DDX52: variants seen among roughly 807,000 people sequenced by gnomAD.
DDX52 encodes probable ATP-dependent RNA helicase DDX52.
Under a neutral mutation model 76.1 loss-of-function variants are expected in DDX52, and 59 were observed. The ratio of observed to expected loss-of-function variants is 0.78; its 90% CI spans 0.63 to 0.96. DDX52 has a LOEUF of 0.96. DDX52 is among the 40% of genes least tolerant of loss of function. The probability of loss-of-function intolerance (pLI) is 0.00; values close to 1 mark genes in which losing one functional copy is unlikely to be tolerated. For synonymous variants in DDX52, 231 were observed against 244.1 expected (o/e 0.95, Z 0.50); for missense variants, 707 against 703.9 (o/e 1.00, Z -0.05).
In DDX52 at chr17:37,643,430, G is replaced by A. The variant is rs923765476; in HGVS notation, c.-10C>T. 3 of 1,613,532 alleles carry A rather than the reference G, an allele frequency of 1.9e-6. No individual in the cohort carries two copies. Among genetic ancestry groups the A allele is most frequent in the African/African-American group, 2.7e-5 (2 of 74,934 alleles). On this transcript the variant is annotated 5_prime_UTR_variant, in exon 1 of 15. Transcript: ENST00000617633. ...GATCGTGGACGTCCATCTTTACCCAGAAAGCGCCACAGTTCTACGGCGCCT... is the reference window on the plus strand; with the variant it reads ...GATCGTGGACGTCCATCTTTACCCAAAAAGCGCCACAGTTCTACGGCGCCT...
At position 37,633,292 on chromosome 17, in the gene DDX52, T is replaced by A; in HGVS notation, c.413A>T (p.Glu138Val). ...TSGKLENLRK[E>V]KINFLRNKHK... Reference sequence around the variant, plus strand: ...GCCCCAAAATATTTTTCTAACCTTTTCTTTTCTGAGATTCTCCAACTTTCC... The same window carrying A: ...GCCCCAAAATATTTTTCTAACCTTTACTTTTCTGAGATTCTCCAACTTTCC... Residue 138 changes from glutamate (E) to valine (V), a missense_variant, in exon 3 of 15, where the codon GAA becomes GTA. Physicochemically the swap from Glu to Val is moderately radical, Grantham distance 121. Transcript: ENST00000617633. 1 of 1,601,200 alleles carries A rather than the reference T, an allele frequency of 6.2e-7. No homozygotes were observed. Among genetic ancestry groups the A allele is most frequent in the Non-Finnish European group, 8.5e-7 (1 of 1,176,222 alleles).
chr17:37,622,228 TC>T (rs1374681128), intron 9 of DDX52, among the ~76,000 whole-genome samples: 1 of 152,132 alleles, frequency 6.6e-6, no homozygotes, highest in East Asian at 1.9e-4. Flanking sequence ...ATTTACACTA[TC>T]AAACCCTTAC....
intron 2 of DDX52, among the ~76,000 whole-genome samples, chr17:37,635,363 C>A (rs140217896): frequency 6.6e-6 from 1 of 152,232 alleles, no homozygotes; most frequent in African/African-American, 2.4e-5. Context: ...CCTCATGACA[C>A]CTTATAATCC....
At position 37,614,278 on chromosome 17, in the gene DDX52, T is replaced by G. The variant is rs1458876505; in HGVS notation, c.*18A>C. ...TCATAAAATTACATTTCTGGGACAGTATTTTTAAAGTCTGTTTTTAACTTT... is the reference window on the plus strand; with the variant it reads ...TCATAAAATTACATTTCTGGGACAGGATTTTTAAAGTCTGTTTTTAACTTT... On this transcript the variant is annotated 3_prime_UTR_variant, in exon 15 of 15. Transcript: ENST00000617633. 1 of 1,609,950 alleles carries G rather than the reference T, an allele frequency of 6.2e-7. No individual in the cohort carries two copies. Among genetic ancestry groups the G allele is most frequent in the African/African-American group, 1.3e-5 (1 of 74,820 alleles).
rs2064399907 is a variant in DDX52, at chr17:37,614,289, T to G, written c.*7A>C. ...CATTTCTGGGACAGTATTTTTAAAG[T>G]CTGTTTTTAACTTTTGTCTTCAAGA... On this transcript the variant is annotated 3_prime_UTR_variant, in exon 15 of 15. Coordinates refer to ENST00000617633, the MANE Select transcript of DDX52 (RefSeq NM_007010.5). 3 of 1,611,732 alleles carry G rather than the reference T, an allele frequency of 1.9e-6. No homozygotes were observed. Among genetic ancestry groups the G allele is most frequent in the Non-Finnish European group, 2.5e-6 (3 of 1,179,284 alleles).
At chr17:37,636,161 G>A (rs1487122030) in intron 2 of DDX52, among the ~76,000 whole-genome samples, 1 of 152,046 alleles carries the variant, frequency 6.6e-6, no homozygotes, top group Non-Finnish European at 1.5e-5. Context: ...TTGTGCTAAG[G>A]AACCTTGACA....
chr17:37,632,443 G>T, intron 3 of DDX52, 145 bp from the exon 4 acceptor site: 1 of 787,812 alleles, frequency 1.3e-6, no homozygotes, highest in Non-Finnish European at 2.0e-6. Context: ...AAACATCACA[G>T]ATATTAGGTA....
intron 2 of DDX52, among the ~76,000 whole-genome samples, chr17:37,637,293 G>A (rs552408487): frequency 1.0e-3 from 153 of 151,884 alleles, no homozygotes; most frequent in African/African-American, 3.4e-3. Flanking sequence ...CACCACGTCC[G>A]GCTAATTTTG....
At position 37,613,052 on chromosome 17, in the gene DDX52, G is replaced by C. The variant is rs1273281539; in HGVS notation, c.*1244C>G. ...AAAATATTCAAAGCAAAGTCCACCT[G>C]TTCTGACTCTAGAACAAAAAGCTAC... On this transcript the variant is annotated 3_prime_UTR_variant, in exon 15 of 15. Transcript: ENST00000617633. 4 of 152,132 alleles carry C rather than the reference G, an allele frequency of 2.6e-5. No individual in the cohort carries two copies. Among genetic ancestry groups the C allele is most frequent in the African/African-American group, 9.7e-5 (4 of 41,416 alleles). The allele number at this position is 152,132 out of a possible 1,614,324, so 9.4% of individuals were successfully genotyped here.
At chr17:37,636,281 G>A (rs1427067835) in intron 2 of DDX52, among the ~76,000 whole-genome samples, 1 of 152,086 alleles carries the variant, frequency 6.6e-6, no homozygotes, top group Non-Finnish European at 1.5e-5. Context: ...TATAAAGTTA[G>A]GTTTGATGTT....
Position 37,643,412 on chromosome 17 carries a change from G to T in DDX52, c.9C>A (p.Val3=), listed in dbSNP as rs1349310246. 1.2e-6 allele frequency: 2 copies of T among 1,613,940 alleles called. No individual in the cohort carries two copies. The highest frequency in any genetic ancestry group is 2.2e-5 in the South Asian group (2 of 91,078). The stretch of plus-strand genomic sequence containing the variant: ...CGCCGAGCCGGCGAAAGAGATCGTG[G>T]ACGTCCATCTTTACCCAGAAAGCGC... The part of the protein sequence containing the change: MD[V]HDLFRRLGAG... Residue 3 remains valine, a synonymous_variant, in exon 1 of 15, where the codon GTC becomes GTA. Transcript: ENST00000617633.
At chr17:37,615,657 G>GT (rs1436974357) in intron 14 of DDX52, among the ~76,000 whole-genome samples, 1 of 150,922 alleles carries the variant, frequency 6.6e-6, no homozygotes, top group African/African-American at 2.4e-5. Context: ...TCCAGTCTGG[G>GT]TGACAGATTG....
At position 37,620,931 on chromosome 17, in the gene DDX52, C is replaced by G. The variant is rs371537943; in HGVS notation, c.1519G>C (p.Gly507Arg). ...AATGTAATTGCTTTTCCCTTATTCC[C>G]TGCTCTTCCAGTTCGACCTAAGAAA... Reference protein sequence around the residue: ...IHRIGRTGRAGNKGKAITFFT... With the variant: ...IHRIGRTGRARNKGKAITFFT... Residue 507 changes from glycine to arginine, a missense_variant, in exon 12 of 15, where the codon GGG (glycine) becomes CGG (arginine). Transcript: ENST00000617633. 1 of 1,593,514 alleles carries G rather than the reference C, an allele frequency of 6.3e-7. No individual in the cohort carries two copies. The highest frequency in any genetic ancestry group is 8.5e-7 in the Non-Finnish European group (1 of 1,174,118).
At chr17:37,633,464 A>G (rs751316630) in intron 2 of DDX52, 46 bp from the exon 3 acceptor site, 1 of 1,427,758 alleles carries the variant, frequency 7.0e-7, no homozygotes, top group Non-Finnish European at 9.2e-7. Flanking sequence ...AGTCTAGGCA[A>G]CATAGTGAGG....
rs2064351399 is a variant in DDX52, at chr17:37,611,237, C to G, written c.*3059G>C. On this transcript the variant is annotated 3_prime_UTR_variant, in exon 15 of 15. Coordinates refer to ENST00000617633, the MANE Select transcript of DDX52 (RefSeq NM_007010.5). ...TTTGGTCAGCCACAGACAGCAGATA[C>G]AATGGTGGGATGAGAAGTGGGGGTG... is the stretch of plus-strand genomic sequence containing the variant. 6.6e-6 allele frequency: 1 copy of G among 152,166 alleles called. No homozygotes were observed. The highest frequency in any genetic ancestry group is 2.4e-5 in the African/African-American group (1 of 41,428). 9.4% of individuals were successfully genotyped at this position (152,166 alleles called of 1,614,324 possible). A position where few individuals can be genotyped will look rare whatever the true frequency, so the allele number is the denominator to read the frequency against.
intron 2 of DDX52, among the ~76,000 whole-genome samples, chr17:37,637,177 G>C (rs796350227): frequency 1.3e-5 from 2 of 152,074 alleles, no homozygotes; most frequent in African/African-American, 4.8e-5. Flanking sequence ...CCAGGCTGGA[G>C]TGCAGTGGTG....
In DDX52 at chr17:37,612,647, T is replaced by A. The variant is rs2064381357; in HGVS notation, c.*1649A>T. Reference sequence around the variant, plus strand: ...TCTCTGTCATTAAGTGATGCGTGACTCTATTTGCTCCTTTATCTCTAACAT... The same window carrying A: ...TCTCTGTCATTAAGTGATGCGTGACACTATTTGCTCCTTTATCTCTAACAT... On this transcript the variant is annotated 3_prime_UTR_variant, in exon 15 of 15. Transcript: ENST00000617633. The A allele has an allele frequency of 6.6e-6, 1 of 152,214 alleles. No homozygotes were observed. The highest frequency in any genetic ancestry group is 1.5e-5 in the Non-Finnish European group (1 of 68,028). The allele number at this position is 152,214 out of a possible 1,614,324, so 9.4% of individuals were successfully genotyped here.
chr17:37,626,937 T>A, intron 6 of DDX52, 77 bp from the exon 7 acceptor site: 1 of 1,189,842 alleles, frequency 8.4e-7, no homozygotes, highest in Non-Finnish European at 1.2e-6. Context: ...CCTCCTCAAC[T>A]TCAGTTAATA....
chr17:37,631,134 A>C (rs2030663375), intron 4 of DDX52: 1 of 152,238 alleles, frequency 6.6e-6, no homozygotes. Context: ...GGAAACCAGA[A>C]CTGAAGGCCA....
Sources: gnomAD v4.1 joint callset for allele counts (sites outside exome capture counted in the v4.1 genomes callset) on GRCh38, gnomAD v4.1.1 for gene constraint, MANE v1.5 for transcripts, NCBI Gene and HGNC (gene_info 2026-07-23, HGNC 2026-07-21) for gene names.